AMMECR1: variants seen among roughly 807,000 people sequenced by gnomAD.
The protein encoded by AMMECR1 is nuclear protein AMMECR1.
A neutral mutation model predicts 22.5 loss-of-function variants in AMMECR1; 3 were observed. The observed-to-expected ratio is 0.13, with a 90% confidence interval of 0.06 to 0.35. The LOEUF (loss-of-function observed/expected upper bound fraction) is 0.35. Among genes scored for constraint, AMMECR1 ranks in the 10% least tolerant of loss-of-function variants. AMMECR1 has a pLI of 1.00. For missense variants in AMMECR1, 235 were observed against 278.7 expected (o/e 0.84, Z 1.12); for synonymous variants, 130 against 116.7 (o/e 1.11, Z -0.74).
chrX:110,287,604 T>C (rs1326219322), intron 1 of AMMECR1, among the ~76,000 whole-genome samples: 2 of 112,015 alleles, frequency 1.8e-5, no homozygotes, highest in Admixed American at 1.9e-4. Flanking sequence ...TATACCTTAA[T>C]CTTCCAAGTT....
At chrX:110,368,563 A>C (rs1229393733) in intron 2 of AMMECR1, among the ~76,000 whole-genome samples, 1 of 112,333 alleles carries the variant, frequency 8.9e-6, no homozygotes, top group Non-Finnish European at 1.9e-5. Flanking sequence ...ACACTTTATC[A>C]GTGATACTTT....
chrX:110,282,266 T>TA (rs769076723), intron 1 of AMMECR1, among the ~76,000 whole-genome samples: 21 of 105,400 alleles, frequency 2.0e-4, no homozygotes, highest in Non-Finnish European at 2.7e-4. Flanking sequence ...AACCTCAGAT[T>TA]AAAAAAAAAA....
At chrX:110,399,431 A>G (rs934844178) in intron 2 of AMMECR1, among the ~76,000 whole-genome samples, 1 of 112,620 alleles carries the variant, frequency 8.9e-6, no homozygotes, top group African/African-American at 3.2e-5. Flanking sequence ...ATTTGCGCTC[A>G]CAGCAGGTGG....
At position 110,204,056 on chromosome X, in the gene AMMECR1, G is replaced by GA. The variant is rs1325836192; in HGVS notation, c.700-1521dup. Among the ~76,000 whole-genome samples, 9 of 111,632 alleles carry GA rather than the reference G, an allele frequency of 8.1e-5. No homozygotes were observed. The East Asian group carries it at 2.5e-3, about 31-fold the overall frequency. On this transcript the variant is annotated intron_variant, in intron 3 of 5. Transcript: ENST00000262844. ...GGGAAATAACTACGTATATAGCTGA[G>GA]AAGAAATATGAGCGCTTAGCTATCA...
intron 2 of AMMECR1, among the ~76,000 whole-genome samples, chrX:110,387,504 G>A (rs1490873199): frequency 8.9e-6 from 1 of 112,398 alleles, no homozygotes. Context: ...GCAGAATTCA[G>A]TTTGAGACTT....
chrX:110,328,594 C>G (rs1363391420), intron 2 of AMMECR1, among the ~76,000 whole-genome samples: 2 of 108,222 alleles, frequency 1.8e-5, no homozygotes, highest in Non-Finnish European at 3.8e-5. Context: ...TTAGGTATTT[C>G]TCCTAATGCT....
At chrX:110,213,737 A>G (rs1246039658) in intron 3 of AMMECR1, among the ~76,000 whole-genome samples, 5 of 111,714 alleles carry the variant, frequency 4.5e-5, no homozygotes, top group Non-Finnish European at 9.4e-5. Flanking sequence ...CATTCCCACA[A>G]TACTATTACT....
Position 110,362,977 on chromosome X carries a change from G to A in AMMECR1, c.-147-45128C>T, listed in dbSNP as rs777642068. On this transcript the variant is annotated intron_variant, in intron 2 of 7. Coordinates refer to the AMMECR1 transcript ENST00000372057. ...TAAAAGCTGAAGTAATTTGCTCAAGGCCCCACAACCAGCAGAAAAGGAAGC... is the reference window on the plus strand; with the variant it reads ...TAAAAGCTGAAGTAATTTGCTCAAGACCCCACAACCAGCAGAAAAGGAAGC... Among the ~76,000 whole-genome samples the A allele has an allele frequency of 2.7e-5, 3 of 111,817 alleles. No individual in the cohort carries two copies. In the South Asian group the frequency reaches 1.1e-3, roughly 42 times the overall value.
chrX:110,384,953 C>T (rs1406499632), intron 2 of AMMECR1, among the ~76,000 whole-genome samples: 1 of 111,029 alleles, frequency 9.0e-6, no homozygotes, highest in Non-Finnish European at 1.9e-5. Context: ...CCCACACTCA[C>T]ATCTAGTGTA....
chrX:110,205,401 C>T (rs909803468), intron 3 of AMMECR1, among the ~76,000 whole-genome samples: 2 of 111,954 alleles, frequency 1.8e-5, no homozygotes, highest in African/African-American at 6.5e-5. Flanking sequence ...ATTGAATCTT[C>T]CCTTATACAT....
intron 2 of AMMECR1, among the ~76,000 whole-genome samples, chrX:110,239,946 C>A (rs1441449597): frequency 9.0e-6 from 1 of 111,652 alleles, no homozygotes; most frequent in East Asian, 2.8e-4. Flanking sequence ...AATTTCATAT[C>A]CAGCCAAACT....
upstream of AMMECR1, among the ~76,000 whole-genome samples, chrX:110,318,597 T>G (rs1345706577): frequency 9.0e-6 from 1 of 110,915 alleles, no homozygotes; most frequent in Non-Finnish European, 1.9e-5. Context: ...TAAGCCCAGT[T>G]ACGTGGAACC....
In AMMECR1 at chrX:110,201,248, T is replaced by A. The variant is rs1443744539; in HGVS notation, c.791-198A>T. On this transcript the variant is annotated intron_variant, in intron 4 of 5. Coordinates refer to ENST00000262844, the MANE Select transcript of AMMECR1 (RefSeq NM_015365.3). ...AGGGTCATCACCACACTCCTTAAAT[T>A]CTAGCTATCCACAATGCCAAACAAC... Among the ~76,000 whole-genome samples, 5 of 112,084 alleles carry A rather than the reference T, an allele frequency of 4.5e-5. No homozygotes were observed. In the East Asian group the frequency reaches 1.4e-3, roughly 31 times the overall value.
intron 2 of AMMECR1, among the ~76,000 whole-genome samples, chrX:110,241,516 C>T (rs2067632456): frequency 2.7e-5 from 3 of 111,444 alleles, no homozygotes; most frequent in Admixed American, 9.5e-5. Flanking sequence ...CACATACACC[C>T]GCCCAAAACT....
At chrX:110,290,510 T>A (rs1036048717) in intron 1 of AMMECR1, among the ~76,000 whole-genome samples, 9 of 112,170 alleles carry the variant, frequency 8.0e-5, no homozygotes, top group Middle Eastern at 4.6e-3. Context: ...ACATTTTTTT[T>A]AAAAAGTACA....
At chrX:110,252,126 A>G (rs987324375) in intron 2 of AMMECR1, among the ~76,000 whole-genome samples, 7 of 111,476 alleles carry the variant, frequency 6.3e-5, no homozygotes, top group Admixed American at 5.8e-4. Context: ...TACCCATTTT[A>G]CAGATGAGAA....
At chrX:110,342,181 T>A (rs1012551786) in intron 2 of AMMECR1, among the ~76,000 whole-genome samples, 2 of 112,061 alleles carry the variant, frequency 1.8e-5, no homozygotes, top group African/African-American at 3.2e-5. Flanking sequence ...ATTGCCTAAT[T>A]TATAAATTAA....
intron 2 of AMMECR1, among the ~76,000 whole-genome samples, chrX:110,401,818 C>A (rs192792637): frequency 8.9e-6 from 1 of 112,393 alleles, no homozygotes; most frequent in East Asian, 2.8e-4. Flanking sequence ...ATCTCCTAGA[C>A]GTGTTGTGAG....
intron 1 of AMMECR1, among the ~76,000 whole-genome samples, chrX:110,427,283 C>T (rs1054643719): frequency 1.8e-5 from 2 of 112,215 alleles, no homozygotes; most frequent in Non-Finnish European, 3.8e-5. Context: ...ACACCTCCAT[C>T]CCCTCCACTT....
Sources: allele counts gnomAD v4.1 joint callset (sites outside exome capture counted in the v4.1 genomes callset), GRCh38; gene constraint gnomAD v4.1.1; transcripts MANE v1.5; gene names NCBI Gene and HGNC (gene_info 2026-07-23, HGNC 2026-07-21).